Variants in DEF8 observed in about 807,000 individuals in gnomAD.
The protein encoded by DEF8 is DEF-8.
Under a neutral mutation model 59.1 loss-of-function variants are expected in DEF8, and 38 were observed. The ratio of observed to expected loss-of-function variants is 0.64; its 90% confidence interval spans 0.50 to 0.84. The LOEUF (loss-of-function observed/expected upper bound fraction) is 0.84. Among genes scored for constraint, DEF8 ranks in the 40% least tolerant of loss-of-function variants. DEF8 has a pLI of 0.00. For missense variants in DEF8, 557 were observed against 615.2 expected (o/e 0.91, Z 1.00); for synonymous variants, 265 against 250.1 (o/e 1.06, Z -0.56).
rs1172543343 is a variant in DEF8 at position 89,961,036 on chromosome 16, A to G, written c.620A>G (p.Glu207Gly). The part of the protein sequence containing the change: ...QAEYELNICP[E>G]TGLDSQDYRC... ...GAATACGAACTGAACATCTGCCCTG[A>G]GACAGGGCTGGACAGCCAGGATTAC... The change falls in exon 7 of 13, where the codon GAG becomes GGG. Residue 207 changes from glutamate (E) to glycine (G), a missense_variant. Glu to Gly is a moderately conservative substitution (Grantham distance 98). Transcript: ENST00000563594. The G allele has an allele frequency of 3.1e-6, 5 of 1,614,114 alleles. No homozygotes were observed. Among genetic ancestry groups the G allele is most frequent in the Middle Eastern group, 1.6e-4 (1 of 6,062 alleles).
intron 2 of DEF8, among the ~76,000 whole-genome samples, chr16:89,951,640 T>A (rs2032106729): frequency 6.6e-6 from 1 of 152,342 alleles, no homozygotes; most frequent in South Asian, 2.1e-4. Context: ...GAAGTCTGGC[T>A]GTGAGCAGCT....
Position 89,965,915 on chromosome 16 carries a change from G to A in DEF8, c.1308G>A (p.Leu436=), listed in dbSNP as rs776298216. ...GTCCCAAGTGTGCCCGGCTCAGCCT[G>A]AGGAAGCAGTCGCTCTTCCAGGAGC... ...TTCPKCARLS[L]RKQSLFQEPG... is the part of the protein sequence containing the mutation. The change falls in exon 13 of 13, where the codon CTG becomes CTA. Residue 436 remains leucine (L), a synonymous_variant. Transcript: ENST00000563594. 1 of 1,613,652 alleles carries A rather than the reference G, an allele frequency of 6.2e-7. No homozygotes were observed. The highest frequency in any genetic ancestry group is 1.7e-5 in the Admixed American group (1 of 59,986).
chr16:89,957,716 G>A, intron 5 of DEF8, 56 bp downstream of exon 5: 2 of 1,468,564 alleles, frequency 1.4e-6, no homozygotes, highest in Admixed American at 2.5e-5. Context: ...CAGAACTGTG[G>A]AACTAGGAGG....
intron 2 of DEF8, among the ~76,000 whole-genome samples, chr16:89,953,046 T>G (rs768139218): frequency 6.6e-6 from 1 of 152,298 alleles, no homozygotes; most frequent in East Asian, 1.9e-4. Context: ...GGATAAATCA[T>G]AGGATTGATT....
chr16:89,962,463 G>A (rs1436886220), intron 9 of DEF8, among the ~76,000 whole-genome samples: 2 of 152,168 alleles, frequency 1.3e-5, no homozygotes, highest in East Asian at 3.9e-4. Context: ...TTTGAGACCA[G>A]CCTGACCAAC....
At position 89,954,507 on chromosome 16, in the gene DEF8, C is replaced by A. The variant is rs1023207416; in HGVS notation, c.124+131C>A. The A allele has an allele frequency of 4.0e-6, 4 of 992,390 alleles. No homozygotes were observed. The Admixed American group carries it at 8.2e-5, about 20-fold the overall frequency. 61.5% of individuals were successfully genotyped at this position (992,390 alleles called of 1,614,324 possible). A position where few individuals can be genotyped will look rare whatever the true frequency, so the allele number is the denominator to read the frequency against. The stretch of plus-strand genomic sequence containing the variant: ...GGAGCCGGCACCTGCTGGCTGTGTT[C>A]TTTTTCCCATCTCTTCTGTGGTCGT... On this transcript the variant is annotated intron_variant, in intron 3 of 12. Coordinates refer to ENST00000563594, the MANE Select transcript of DEF8 (RefSeq NM_001242818.2). This position sits in a 1 kb window ranked among gnomAD's most constrained non-coding sequence, Gnocchi z 4.3.
Position 89,949,444 on chromosome 16 carries a change from C to T in DEF8, c.-80C>T. On this transcript the variant is annotated 5_prime_UTR_variant, in exon 2 of 13. Coordinates refer to ENST00000563594, the MANE Select transcript of DEF8 (RefSeq NM_001242818.2). ...GGTGCCGAACCCACGGCCAGGCTTC[C>T]GTGGCCAGCAGCCCTAGAGGAATGG... is the stretch of plus-strand genomic sequence containing the variant. The T allele has an allele frequency of 6.2e-7, 1 of 1,609,116 alleles. No individual in the cohort carries two copies. The highest frequency in any genetic ancestry group is 8.5e-7 in the Non-Finnish European group (1 of 1,178,950).
intron 2 of DEF8, among the ~76,000 whole-genome samples, chr16:89,953,798 A>G (rs974087017): frequency 2.0e-5 from 3 of 152,238 alleles, no homozygotes; most frequent in East Asian, 1.9e-4. Flanking sequence ...GGGCCCAGGA[A>G]GGAGGAACCC....
intron 4 of DEF8, chr16:89,957,148 A>G (rs1003350095): frequency 1.8e-5 from 3 of 168,884 alleles, no homozygotes; most frequent in African/African-American, 7.1e-5. Context: ...CATGACAGCA[A>G]ATGTCCTTTC....
At position 89,959,270 on chromosome 16, in the gene DEF8, CCAGT is replaced by C. The variant is rs775541492; in HGVS notation, c.514+118_514+121del. On this transcript the variant is annotated intron_variant, in intron 6 of 12. Coordinates refer to ENST00000563594, the MANE Select transcript of DEF8 (RefSeq NM_001242818.2). ...TGTGGTGGCCACTAGCCAAACATGGCCAGTCAAAGTTAAATTAACTAAATATGCA... is the reference window on the plus strand; with the variant it reads ...TGTGGTGGCCACTAGCCAAACATGGCCAAAGTTAAATTAACTAAATATGCA... 1.9e-5 allele frequency: 30 copies of C among 1,547,302 alleles called. No homozygotes were observed. The African/African-American group carries it at 2.1e-4, about 11-fold the overall frequency.
intron 12 of DEF8, among the ~76,000 whole-genome samples, chr16:89,965,630 C>T (rs2034539098): frequency 6.6e-6 from 1 of 152,032 alleles, no homozygotes. Context: ...TGAACTGGGA[C>T]CTGTGTGGTT....
At chr16:89,955,526 A>T (rs985397844) in intron 4 of DEF8, among the ~76,000 whole-genome samples, 1 of 152,194 alleles carries the variant, frequency 6.6e-6, no homozygotes, top group African/African-American at 2.4e-5. Flanking sequence ...ATTGGGGTTC[A>T]TGAACCTGGG....
chr16:89,959,334 G>A, intron 6 of DEF8, 179 bp downstream of exon 6: 1 of 1,444,672 alleles, frequency 6.9e-7, no homozygotes, highest in Non-Finnish European at 9.1e-7. Context: ...GGACAGGGCT[G>A]TTCTGGATGA....
intron 2 of DEF8, among the ~76,000 whole-genome samples, chr16:89,949,877 T>G (rs1438508128): frequency 6.6e-6 from 1 of 152,132 alleles, no homozygotes; most frequent in Non-Finnish European, 1.5e-5. Context: ...GGGGTGAGCC[T>G]GGTGAGAGGG....
At position 89,964,814 on chromosome 16, in the gene DEF8, C is replaced by T. The variant is rs566185752; in HGVS notation, c.1253+239C>T. On this transcript the variant is annotated intron_variant, in intron 12 of 12. Coordinates refer to ENST00000563594, the MANE Select transcript of DEF8 (RefSeq NM_001242818.2). ...GCACCTGGGGGATGAGGGGGCTGCC[C>T]CTTCCCAGGTCCCTCCCGGACCAGC... Among the ~76,000 whole-genome samples the T allele has an allele frequency of 2.0e-5, 3 of 152,326 alleles. No homozygotes were observed. The East Asian group carries it at 5.8e-4, about 29-fold the overall frequency.
At chr16:89,957,324 C>G (rs2033368047) in intron 4 of DEF8, 187 bp from the exon 5 acceptor site, 1 of 577,246 alleles carries the variant, frequency 1.7e-6, no homozygotes. Flanking sequence ...CACGCAGCAC[C>G]GGGTGGACCT....
At position 89,966,651 on chromosome 16, in the gene DEF8, AGCTTTTCCCTGCTGGGTGCTCCT is replaced by A. The variant is rs2034621446; in HGVS notation, c.*694_*716del. 6.6e-6 allele frequency: 1 copy of A among 152,518 alleles called. No individual in the cohort carries two copies. Among genetic ancestry groups the A allele is most frequent in the African/African-American group, 2.4e-5 (1 of 41,392 alleles). The allele number at this position is 152,518 out of a possible 1,614,324, so 9.4% of individuals were successfully genotyped here. A position where few individuals can be genotyped will look rare whatever the true frequency, so the allele number is the denominator to read the frequency against. ...TACAACAGCAGGGAAGGGGCCATGG[AGCTTTTCCCTGCTGGGTGCTCCT>A]GCTTTGGCCCAGCCCACCTTTCCTG... On this transcript the variant is annotated 3_prime_UTR_variant, in exon 13 of 13. Coordinates refer to ENST00000563594, the MANE Select transcript of DEF8 (RefSeq NM_001242818.2).
intron 4 of DEF8, among the ~76,000 whole-genome samples, chr16:89,955,545 T>A (rs1461657046): frequency 1.3e-5 from 2 of 152,186 alleles, no homozygotes; most frequent in Admixed American, 6.5e-5. Context: ...GGGCTGCTTC[T>A]GTCCCCTGAG....
At position 89,961,737 on chromosome 16, in the gene DEF8, G is replaced by T. The variant is rs1350869714; in HGVS notation, c.680G>T (p.Arg227Leu). The stretch of plus-strand genomic sequence containing the variant: ...ACTCAGGGCCCCTCTGACCCTGCAG[G>T]GGGTGTGCCCAGTGAGGCCAGGCAG... The part of the protein sequence containing the change: ...CAECRAPISL[R>L]GVPSEARQCD... Residue 227 changes from arginine (R) to leucine (L), a missense_variant and splice_region_variant, in exon 8 of 13, where the codon CGG becomes CTG. By Grantham distance (102) the Arg-to-Leu change is moderately radical. Transcript: ENST00000563594. The T allele has an allele frequency of 1.9e-6, 3 of 1,613,338 alleles. No homozygotes were observed. Among genetic ancestry groups the T allele is most frequent in the Non-Finnish European group, 1.7e-6 (2 of 1,180,006 alleles).
Sources: gnomAD v4.1 joint callset for allele counts (sites outside exome capture counted in the v4.1 genomes callset) on GRCh38, gnomAD v4.1.1 for gene constraint, Gnocchi (gnomAD v3.1) non-coding constraint, MANE v1.5 for transcripts, NCBI Gene and HGNC (gene_info 2026-07-23, HGNC 2026-07-21) for gene names.